SUPT3H: variants seen among roughly 807,000 people sequenced by gnomAD.
SUPT3H encodes SPT3 homolog, SAGA and STAGA complex component, also known as transcription initiation protein SPT3 homolog.
SUPT3H carries 44 observed loss-of-function variants against 44.3 expected under a neutral mutation model. That is an observed-to-expected ratio of 0.99 (90% CI 0.78 to 1.28). SUPT3H has a LOEUF of 1.28. Ranked by LOEUF, SUPT3H falls within the 50% of genes most tolerant of loss-of-function variation. The pLI is 0.00. For missense variants in SUPT3H, 380 were observed against 387.1 expected (o/e 0.98, Z 0.15); for synonymous variants, 124 against 125.6 (o/e 0.99, Z 0.09).
chr6:44,855,640 G>C (rs1773603656), intron 10 of SUPT3H, among the ~76,000 whole-genome samples: 2 of 151,910 alleles, frequency 1.3e-5, no homozygotes, highest in African/African-American at 4.8e-5. Flanking sequence ...CGATAATGCA[G>C]ATAGACAACA....
intron 6 of SUPT3H, among the ~76,000 whole-genome samples, chr6:44,974,488 C>T (rs549547836): frequency 3.3e-5 from 5 of 152,258 alleles, no homozygotes; most frequent in African/African-American, 1.2e-4. Flanking sequence ...AACTGCAAAA[C>T]ACAACTTGAA....
chr6:44,844,614 G>A (rs1418809595), intron 10 of SUPT3H, among the ~76,000 whole-genome samples: 1 of 152,124 alleles, frequency 6.6e-6, no homozygotes, highest in African/African-American at 2.4e-5. Context: ...AATGCATTAT[G>A]CTAAATGAAA....
At chr6:45,173,626 T>C (rs1206599591) in intron 2 of SUPT3H, among the ~76,000 whole-genome samples, 1 of 152,206 alleles carries the variant, frequency 6.6e-6, no homozygotes, top group Non-Finnish European at 1.5e-5. Flanking sequence ...TTTGATTATT[T>C]CTAATGGTTC....
intron 10 of SUPT3H, among the ~76,000 whole-genome samples, chr6:44,931,988 T>G (rs992527314): frequency 1.3e-5 from 2 of 152,196 alleles, no homozygotes; most frequent in African/African-American, 4.8e-5. Flanking sequence ...TCTGTTGAAC[T>G]ACTTCCTTAT....
chr6:44,827,767 T>C lies in SUPT3H; in HGVS notation c.*2049A>G, dbSNP rs1317261339. ...AATATTGAGCAATTATGGGGACATGTAGGCTGGTTCAGGACAGACATAAAT... is the reference window on the plus strand; with the variant it reads ...AATATTGAGCAATTATGGGGACATGCAGGCTGGTTCAGGACAGACATAAAT... On this transcript the variant is annotated 3_prime_UTR_variant, in exon 11 of 11. Coordinates refer to ENST00000371459, the MANE Select transcript of SUPT3H (RefSeq NM_003599.4). 5.3e-5 allele frequency among the ~76,000 whole-genome samples: 8 copies of C among 152,138 alleles called. No individual in the cohort carries two copies. Among genetic ancestry groups the C allele is most frequent in the Non-Finnish European group, 4.4e-5 (3 of 67,990 alleles).
chr6:44,995,606 T>C (rs1781169937), intron 6 of SUPT3H, among the ~76,000 whole-genome samples: 1 of 152,072 alleles, frequency 6.6e-6, no homozygotes, highest in Non-Finnish European at 1.5e-5. Flanking sequence ...ACAACATGCA[T>C]TTACTTGTAT....
intron 7 of SUPT3H, among the ~76,000 whole-genome samples, chr6:44,957,172 A>G (rs1775338944): frequency 6.7e-6 from 1 of 149,202 alleles, no homozygotes; most frequent in Non-Finnish European, 1.5e-5. Context: ...ACGGGTCTAT[A>G]AAACACTTAA....
At chr6:45,055,329 T>C (rs774804662) in intron 3 of SUPT3H, among the ~76,000 whole-genome samples, 1 of 152,082 alleles carries the variant, frequency 6.6e-6, no homozygotes, top group Non-Finnish European at 1.5e-5. Context: ...ATCCTAAATT[T>C]CATATGGAAC....
chr6:45,324,746 A>C (rs556920527), intron 2 of SUPT3H, among the ~76,000 whole-genome samples: 9 of 152,126 alleles, frequency 5.9e-5, no homozygotes, highest in Admixed American at 2.0e-4. Flanking sequence ...TTGTTCAAAC[A>C]ATCAGGGAAA....
intron 10 of SUPT3H, among the ~76,000 whole-genome samples, chr6:44,867,993 C>T (rs1051843528): frequency 6.7e-6 from 1 of 149,570 alleles, no homozygotes; most frequent in African/African-American, 2.5e-5. Context: ...CATGCTAACA[C>T]ACTCACAAAA....
intron 10 of SUPT3H, among the ~76,000 whole-genome samples, chr6:44,830,065 T>G (rs938639144): frequency 2.6e-5 from 4 of 152,188 alleles, no homozygotes; most frequent in Non-Finnish European, 5.9e-5. Context: ...TGGTTAGTGA[T>G]TCTATTTTTG....
chr6:45,282,607 G>C (rs972585757), intron 2 of SUPT3H, among the ~76,000 whole-genome samples: 3 of 152,192 alleles, frequency 2.0e-5, no homozygotes, highest in Non-Finnish European at 4.4e-5. Flanking sequence ...ATCTACATCT[G>C]ATTGGTGTAC....
intron 2 of SUPT3H, among the ~76,000 whole-genome samples, chr6:45,266,692 C>T (rs538528467): frequency 8.6e-5 from 13 of 152,022 alleles, no homozygotes; most frequent in African/African-American, 3.1e-4. Context: ...AGAAATCTGC[C>T]TTATATTCAG....
chr6:44,985,261 G>T (rs982903890), intron 6 of SUPT3H, among the ~76,000 whole-genome samples: 2 of 151,322 alleles, frequency 1.3e-5, no homozygotes, highest in Admixed American at 1.3e-4. Flanking sequence ...GCCAGGCATG[G>T]TGGCACGCAT....
intron 10 of SUPT3H, among the ~76,000 whole-genome samples, chr6:44,924,095 A>C (rs1769151367): frequency 6.6e-6 from 1 of 152,130 alleles, no homozygotes; most frequent in South Asian, 2.1e-4. Flanking sequence ...AACCTTGAAG[A>C]ATTATGCTGG....
chr6:44,818,066 CAT>C (rs1767025378), intron 11 of SUPT3H, among the ~76,000 whole-genome samples: 1 of 152,066 alleles, frequency 6.6e-6, no homozygotes, highest in Non-Finnish European at 1.5e-5. Flanking sequence ...GTATAGAAGT[CAT>C]AGTAATCAAG....
intron 2 of SUPT3H, among the ~76,000 whole-genome samples, chr6:45,294,207 C>A (rs1780755065): frequency 6.6e-6 from 1 of 151,948 alleles, no homozygotes; most frequent in African/African-American, 2.4e-5. Context: ...ATGTGATACA[C>A]CACATAAACA....
chr6:45,032,785 A>G (rs1787139996), intron 3 of SUPT3H, among the ~76,000 whole-genome samples: 1 of 152,122 alleles, frequency 6.6e-6, no homozygotes, highest in Non-Finnish European at 1.5e-5. Context: ...GTCCTCATAG[A>G]ACTTCAGCCA....
At chr6:45,007,986 C>A (rs543888808) in intron 5 of SUPT3H, among the ~76,000 whole-genome samples, 47 of 152,174 alleles carry the variant, frequency 3.1e-4, no homozygotes, top group African/African-American at 1.1e-3. Flanking sequence ...TTTCAAGGTT[C>A]ATCCATGTTT....
Sources: allele counts gnomAD v4.1 joint callset (sites outside exome capture counted in the v4.1 genomes callset), GRCh38; gene constraint gnomAD v4.1.1; transcripts MANE v1.5; gene names NCBI Gene and HGNC (gene_info 2026-07-23, HGNC 2026-07-21).